HRH1: variants seen among roughly 807,000 people sequenced by gnomAD.
HRH1 encodes histamine receptor H1, also known as histamine H1 receptor.
In HRH1, 6 loss-of-function variants were observed where a neutral mutation model predicts 10.3. The ratio of observed to expected loss-of-function variants is 0.58; its 90% CI spans 0.32 to 1.15. The LOEUF (loss-of-function observed/expected upper bound fraction) is 1.15, where lower values mean the gene tolerates loss of function less well. HRH1 is among the 50% of genes most tolerant of loss of function. The probability of loss-of-function intolerance (pLI) is 0.05; values close to 1 mark genes in which losing one functional copy is unlikely to be tolerated. For missense variants in HRH1, 514 were observed against 615.3 expected (o/e 0.84, Z 1.74); for synonymous variants, 242 against 236.7 (o/e 1.02, Z -0.21).
At chr3:11,234,769 G>A (rs979499031) in intron 1 of HRH1, among the ~76,000 whole-genome samples, 6 of 152,120 alleles carry the variant, frequency 3.9e-5, no homozygotes, top group African/African-American at 1.4e-4. Flanking sequence ...CAGGCAGGGC[G>A]GGCACCTCTG....
rs554846494 is a variant in HRH1, at chr3:11,171,580, G to A, written c.-36+17026G>A. On this transcript the variant is annotated intron_variant, in intron 1 of 1. Transcript: ENST00000431010. ...GAATCTGCATTTTAACAAGCTCCCC[G>A]CATTACAGATTGAAATGCACTGGGC... Among the ~76,000 whole-genome samples, 17 of 152,270 alleles carry A rather than the reference G, an allele frequency of 1.1e-4. No homozygotes were observed. In the South Asian group the frequency reaches 3.3e-3, roughly 30 times the overall value.
intron 1 of HRH1, among the ~76,000 whole-genome samples, chr3:11,255,909 C>T (rs1939769999): frequency 6.6e-6 from 1 of 152,148 alleles, no homozygotes; most frequent in South Asian, 2.1e-4. Flanking sequence ...TTTTGGGGCC[C>T]CAAGTTATTT....
chr3:11,235,515 C>A (rs1939157444), intron 1 of HRH1, among the ~76,000 whole-genome samples: 1 of 152,148 alleles, frequency 6.6e-6, no homozygotes, highest in Non-Finnish European at 1.5e-5. Flanking sequence ...TCCATCTCCC[C>A]ACTAGGCCTC....
intron 1 of HRH1, among the ~76,000 whole-genome samples, chr3:11,193,687 C>CT (rs1357252195): frequency 6.6e-6 from 1 of 152,132 alleles, no homozygotes; most frequent in African/African-American, 2.4e-5. Context: ...GAAGTCCAAG[C>CT]TCAAGGCGAC....
intron 1 of HRH1, among the ~76,000 whole-genome samples, chr3:11,172,745 C>G (rs956520482): frequency 6.8e-6 from 1 of 148,062 alleles, no homozygotes; most frequent in Admixed American, 6.7e-5. Flanking sequence ...CTCTGTCCCC[C>G]AGGCTGAAGT....
intron 1 of HRH1, among the ~76,000 whole-genome samples, chr3:11,202,634 G>A (rs1937973132): frequency 6.6e-6 from 1 of 152,044 alleles, no homozygotes; most frequent in South Asian, 2.1e-4. Flanking sequence ...TAGGGTCACA[G>A]CAAAATTCTG....
At chr3:11,182,910 A>T (rs1389617895) in intron 1 of HRH1, among the ~76,000 whole-genome samples, 2 of 152,024 alleles carry the variant, frequency 1.3e-5, no homozygotes, top group Non-Finnish European at 2.9e-5. Context: ...TTGCTGCCAC[A>T]CCTTGCCTCC....
At chr3:11,223,132 T>C (rs182946398) in intron 1 of HRH1, among the ~76,000 whole-genome samples, 1,580 of 120,510 alleles carry the variant, frequency 0.013, 19 homozygotes, top group Non-Finnish European at 0.018. Flanking sequence ...TTGCAGTGAG[T>C]CGAGATCGCA....
intron 1 of HRH1, among the ~76,000 whole-genome samples, chr3:11,183,885 A>G (rs1437445413): frequency 8.4e-6 from 1 of 118,702 alleles, no homozygotes; most frequent in East Asian, 2.4e-4. Context: ...TTTTTAAAGC[A>G]CTGGCCATCT....
intron 1 of HRH1, among the ~76,000 whole-genome samples, chr3:11,162,134 A>G (rs1936938777): frequency 6.6e-6 from 1 of 152,078 alleles, no homozygotes; most frequent in African/African-American, 2.4e-5. Context: ...GAAAGGACGC[A>G]TGCTCCCTGC....
In HRH1 at chr3:11,263,090, C is replaced by G. The variant is rs1024439493; in HGVS notation, c.*2589C>G. 9 of 167,084 alleles carry G rather than the reference C, an allele frequency of 5.4e-5. No homozygotes were observed. Among genetic ancestry groups the G allele is most frequent in the African/African-American group, 2.2e-4 (9 of 41,442 alleles). 10.4% of individuals were successfully genotyped at this position (167,084 alleles called of 1,614,324 possible). On this transcript the variant is annotated 3_prime_UTR_variant, in exon 2 of 2. Coordinates refer to ENST00000431010, the MANE Select transcript of HRH1 (RefSeq NM_001098212.2). ...TCTGATTCTGGAATGTGCTTCCTTT[C>G]CACTTTATCAATCTGCTCTTCGTAC...
chr3:11,178,733 G>C (rs1353063033), intron 1 of HRH1, among the ~76,000 whole-genome samples: 1 of 152,130 alleles, frequency 6.6e-6, no homozygotes, highest in Non-Finnish European at 1.5e-5. Context: ...GGATGACACA[G>C]GATTTTACCC....
intron 1 of HRH1, among the ~76,000 whole-genome samples, chr3:11,242,509 A>G (rs868188174): frequency 1.7e-5 from 2 of 120,812 alleles, no homozygotes; most frequent in African/African-American, 3.3e-5. Flanking sequence ...AAAAAAAAAA[A>G]GCTGTAACAC....
intron 1 of HRH1, among the ~76,000 whole-genome samples, chr3:11,230,228 G>A (rs879337802): frequency 2.0e-5 from 3 of 152,206 alleles, no homozygotes; most frequent in African/African-American, 7.2e-5. Context: ...CTGACTCCAG[G>A]TCTAAGGTAG....
At chr3:11,253,727 A>G (rs1939710490) in intron 1 of HRH1, among the ~76,000 whole-genome samples, 1 of 152,124 alleles carries the variant, frequency 6.6e-6, no homozygotes, top group Non-Finnish European at 1.5e-5. Flanking sequence ...CAGCCGCTGG[A>G]ACGTTCTGAC....
intron 1 of HRH1, among the ~76,000 whole-genome samples, chr3:11,202,179 A>G (rs1215037455): frequency 6.6e-6 from 1 of 152,180 alleles, no homozygotes; most frequent in Non-Finnish European, 1.5e-5. Flanking sequence ...CAAGGGGGGC[A>G]GATCATGTGA....
In HRH1 at chr3:11,181,654, C is replaced by T. The variant is rs1339738958; in HGVS notation, c.-36+27100C>T. 3.5e-4 allele frequency among the ~76,000 whole-genome samples: 38 copies of T among 108,090 alleles called. No homozygotes were observed. In the South Asian group the frequency reaches 7.3e-3, roughly 21 times the overall value. The allele number at this position is 108,090 out of a possible 152,430, so 70.9% of individuals were successfully genotyped here. A position where few individuals can be genotyped will look rare whatever the true frequency, so the allele number is the denominator to read the frequency against. ...TTTTTTTTTTTTTTTTTTTTTGAGA[C>T]GGAGTCTCGCTCCGTCGCCCAGGCT... is the stretch of plus-strand genomic sequence containing the variant. On this transcript the variant is annotated intron_variant, in intron 1 of 1. Transcript: ENST00000431010.
At chr3:11,245,502 T>C (rs1939457152) in intron 1 of HRH1, among the ~76,000 whole-genome samples, 1 of 152,214 alleles carries the variant, frequency 6.6e-6, no homozygotes, top group Admixed American at 6.5e-5. Context: ...GATATGCCTC[T>C]TGGGCTTGCG....
intron 1 of HRH1, among the ~76,000 whole-genome samples, chr3:11,185,035 AT>A (rs142825594): frequency 0.19 from 25,410 of 134,902 alleles, 2,514 homozygotes; most frequent in Admixed American, 0.34. Context: ...AACAGTACTA[AT>A]TTAAAAAAAA....
Sources: allele counts gnomAD v4.1 joint callset (sites outside exome capture counted in the v4.1 genomes callset), GRCh38; gene constraint gnomAD v4.1.1; transcripts MANE v1.5; gene names NCBI Gene and HGNC (gene_info 2026-07-23, HGNC 2026-07-21).